The following SDK1 variants were observed in gnomAD, a reference collection of about 807,000 sequenced individuals.
SDK1 encodes protein sidekick-1.
Under a neutral mutation model 245.5 loss-of-function variants are expected in SDK1, and 157 were observed. That is an observed-to-expected ratio of 0.64 (90% CI 0.56 to 0.73). The LOEUF (loss-of-function observed/expected upper bound fraction) is 0.73, where lower values mean the gene tolerates loss of function less well. Among genes scored for constraint, SDK1 ranks in the 30% least tolerant of loss-of-function variants. The pLI is 0.00. For synonymous variants in SDK1, 1,647 were observed against 1,278.5 expected (o/e 1.29, Z -6.15); for missense variants, 3,583 against 3,002.3 (o/e 1.19, Z -4.52).
chr7:4,267,452 C>A lies in SDK1; in HGVS notation c.*2068C>A. ...ATGAGAATCGCAACCCACAGTTCCC[C>A]GGATGAGACTCACCACAGTGGACAG... is the stretch of plus-strand genomic sequence containing the variant. On this transcript the variant is annotated 3_prime_UTR_variant, in exon 45 of 45. Transcript: ENST00000404826. The A allele has an allele frequency of 1.0e-6, 1 of 985,440 alleles. No individual in the cohort carries two copies. The highest frequency in any genetic ancestry group is 1.2e-6 in the Non-Finnish European group (1 of 829,960). 61.0% of individuals were successfully genotyped at this position (985,440 alleles called of 1,614,324 possible).
intron 5 of SDK1, among the ~76,000 whole-genome samples, chr7:3,857,127 C>G (rs368020114): frequency 1.6e-4 from 24 of 152,034 alleles, no homozygotes; most frequent in East Asian, 5.8e-4. Context: ...AGAGGGAAAA[C>G]TTATCTAAAT....
chr7:3,653,028 T>C (rs1261772704), intron 4 of SDK1, among the ~76,000 whole-genome samples: 2 of 152,306 alleles, frequency 1.3e-5, no homozygotes, highest in African/African-American at 4.8e-5. Flanking sequence ...GGCTATTCCA[T>C]TCAGTGCCAA....
In SDK1 at chr7:4,220,313, AGCCTCCC is replaced by A. The variant is rs767387349; in HGVS notation, c.5701+50_5701+56del. ...GGCAGACAATGTCAATTGCAACTTT[AGCCTCCC>A]GCCTCCTGCTTCACTGAGCTGAGAT... is the stretch of plus-strand genomic sequence containing the variant. On this transcript the variant is annotated intron_variant, in intron 39 of 44. Coordinates refer to ENST00000404826, the MANE Select transcript of SDK1 (RefSeq NM_152744.4). The A allele has an allele frequency of 1.6e-5, 26 of 1,588,612 alleles. No homozygotes were observed. The East Asian group carries it at 5.8e-4, about 36-fold the overall frequency.
At chr7:3,780,836 GC>G (rs1780709413) in intron 4 of SDK1, among the ~76,000 whole-genome samples, 1 of 151,994 alleles carries the variant, frequency 6.6e-6, no homozygotes, top group South Asian at 2.1e-4. Flanking sequence ...CAAAAAGCCT[GC>G]CCAATGACCC....
chr7:3,457,907 T>A (rs542873572), intron 1 of SDK1, among the ~76,000 whole-genome samples: 5 of 152,354 alleles, frequency 3.3e-5, no homozygotes, highest in African/African-American at 1.2e-4. Flanking sequence ...AAGAAGTAAA[T>A]GTTTAGACAC....
chr7:3,885,233 A>G (rs958674393), intron 5 of SDK1, among the ~76,000 whole-genome samples: 1 of 152,174 alleles, frequency 6.6e-6, no homozygotes, highest in Non-Finnish European at 1.5e-5. Flanking sequence ...AGCGAGTGCT[A>G]TAAGTGCACT....
chr7:4,209,524 G>C (rs916035694), intron 37 of SDK1, among the ~76,000 whole-genome samples: 1 of 152,174 alleles, frequency 6.6e-6, no homozygotes, highest in African/African-American at 2.4e-5. Context: ...GACCCAGGGG[G>C]ACACTCAGCC....
Position 4,132,492 on chromosome 7 carries a change from C to T in SDK1, c.4228+69C>T. 4.4e-6 allele frequency: 5 copies of T among 1,132,850 alleles called. No individual in the cohort carries two copies. In the Admixed American group the frequency reaches 7.8e-5, roughly 18 times the overall value. The allele number at this position is 1,132,850 out of a possible 1,614,324, so 70.2% of individuals were successfully genotyped here. ...ATCCCAGCACCTTGGGAGACCGAGG[C>T]AGGTGGTTTGCTTGAGCCCAGGAGT... On this transcript the variant is annotated intron_variant, in intron 28 of 44. Coordinates refer to ENST00000404826, the MANE Select transcript of SDK1 (RefSeq NM_152744.4).
intron 1 of SDK1, among the ~76,000 whole-genome samples, chr7:3,437,196 A>G (rs1237449395): frequency 6.6e-6 from 1 of 152,196 alleles, no homozygotes; most frequent in Admixed American, 6.5e-5. Context: ...GAGATATTCC[A>G]ATGCAAAAAA....
intron 42 of SDK1, among the ~76,000 whole-genome samples, chr7:4,241,157 G>A (rs1786494284): frequency 6.6e-6 from 1 of 152,188 alleles, no homozygotes; most frequent in Non-Finnish European, 1.5e-5. Context: ...TGAACGCACA[G>A]GTACGTGCAG....
At chr7:3,980,994 G>A (rs932192059) in intron 13 of SDK1, among the ~76,000 whole-genome samples, 9 of 151,922 alleles carry the variant, frequency 5.9e-5, no homozygotes, top group South Asian at 2.1e-4. Flanking sequence ...AATAAGGCAC[G>A]CCATCTTCTA....
intron 4 of SDK1, among the ~76,000 whole-genome samples, chr7:3,740,681 A>G (rs1431554260): frequency 1.3e-5 from 2 of 152,182 alleles, no homozygotes; most frequent in Non-Finnish European, 2.9e-5. Context: ...TGGAAGGGGT[A>G]TGGGAATAGG....
At chr7:4,066,541 G>T (rs1433614035) in intron 19 of SDK1, among the ~76,000 whole-genome samples, 1 of 152,204 alleles carries the variant, frequency 6.6e-6, no homozygotes, top group Non-Finnish European at 1.5e-5. Context: ...GACCATGGAA[G>T]GCACATGGCA....
At chr7:4,243,555 G>A (rs918048996) in intron 43 of SDK1, among the ~76,000 whole-genome samples, 2 of 152,214 alleles carry the variant, frequency 1.3e-5, no homozygotes, top group South Asian at 2.1e-4. Context: ...GCAAAGTCAC[G>A]TCTTACGTGG....
intron 4 of SDK1, among the ~76,000 whole-genome samples, chr7:3,660,924 A>G (rs1783334313): frequency 6.6e-6 from 1 of 152,210 alleles, no homozygotes; most frequent in Non-Finnish European, 1.5e-5. Flanking sequence ...CTTTGGTGAT[A>G]TGTGTATACT....
At chr7:3,796,494 G>A (rs1285797792) in intron 4 of SDK1, among the ~76,000 whole-genome samples, 12 of 152,054 alleles carry the variant, frequency 7.9e-5, no homozygotes, top group Non-Finnish European at 1.5e-5. Context: ...AGCAGTGCTG[G>A]TCCCATTCAT....
intron 1 of SDK1, among the ~76,000 whole-genome samples, chr7:3,459,240 A>G (rs765612455): frequency 6.6e-6 from 1 of 152,212 alleles, no homozygotes; most frequent in Non-Finnish European, 1.5e-5. Context: ...GGAATTTGGT[A>G]CTGTATTTGT....
rs536490959 is a variant in SDK1 at position 4,192,203 on chromosome 7, A to G, written c.5098+13617A>G. On this transcript the variant is annotated intron_variant, in intron 35 of 44. Coordinates refer to ENST00000404826, the MANE Select transcript of SDK1 (RefSeq NM_152744.4). Reference sequence around the variant, plus strand: ...GAAGGTTTGGGGCAGCCCTGCTGTCAGTGCCATTTTCCCAACAGCACGTGC... The same window carrying G: ...GAAGGTTTGGGGCAGCCCTGCTGTCGGTGCCATTTTCCCAACAGCACGTGC... 3.3e-5 allele frequency among the ~76,000 whole-genome samples: 5 copies of G among 152,348 alleles called. No individual in the cohort carries two copies. In the South Asian group the frequency reaches 1.0e-3, roughly 32 times the overall value.
At chr7:4,185,634 G>T (rs540898741) in intron 35 of SDK1, among the ~76,000 whole-genome samples, 19 of 152,218 alleles carry the variant, frequency 1.2e-4, no homozygotes, top group Middle Eastern at 6.8e-3. Context: ...TCTCTTTCCC[G>T]GGCAGGATTA....
Sources: allele counts gnomAD v4.1 joint callset (sites outside exome capture counted in the v4.1 genomes callset), GRCh38; gene constraint gnomAD v4.1.1; transcripts MANE v1.5; gene names NCBI Gene and HGNC (gene_info 2026-07-23, HGNC 2026-07-21).